Variants in ASXL2 observed in about 807,000 individuals in gnomAD.
The protein encoded by ASXL2 is ASXL transcriptional regulator 2.
Under a neutral mutation model 122.0 loss-of-function variants are expected in ASXL2, and 23 were observed. The observed-to-expected ratio is 0.19, with a 90% CI of 0.14 to 0.27. The LOEUF (loss-of-function observed/expected upper bound fraction) is 0.27. Among genes scored for constraint, ASXL2 ranks in the 10% least tolerant of loss-of-function variants. The pLI, the probability that ASXL2 is intolerant of heterozygous loss-of-function variation, is 1.00. For missense variants in ASXL2, 1,518 were observed against 1,713.8 expected (o/e 0.89, Z 2.02); for synonymous variants, 650 against 637.0 (o/e 1.02, Z -0.31).
intron 1 of ASXL2, among the ~76,000 whole-genome samples, chr2:25,855,379 C>T (rs1265781598): frequency 1.3e-5 from 2 of 152,108 alleles, no homozygotes; most frequent in Admixed American, 6.6e-5. Context: ...AACTCTATCC[C>T]TACTAAAAAT....
chr2:25,743,331 G>A lies in ASXL2; in HGVS notation c.3006C>T (p.Ser1002=), dbSNP rs752616442. 4.3e-6 allele frequency: 7 copies of A among 1,613,792 alleles called. No homozygotes were observed. The African/African-American group carries it at 8.0e-5, about 18-fold the overall frequency. Residue 1002 remains serine, a synonymous_variant, in exon 13 of 13, where the codon AGC becomes AGT. Transcript: ENST00000435504. The part of the protein sequence containing the change: ...ALIATNTTEN[S]TREEVNERQS... ...GTCTCTCATTAACTTCCTCTCTGGT[G>A]CTATTTTCTGTTGTGTTGGTAGCTA...
chr2:25,801,993 G>A (rs758308287), intron 4 of ASXL2, among the ~76,000 whole-genome samples: 62 of 152,066 alleles, frequency 4.1e-4, no homozygotes, highest in Non-Finnish European at 7.6e-4. Flanking sequence ...TCTACCTAAC[G>A]TTTACCACAC....
chr2:25,810,331 T>C (rs574917032), intron 3 of ASXL2: 2 of 660,916 alleles, frequency 3.0e-6, no homozygotes, highest in African/African-American at 1.8e-5. Flanking sequence ...TTAGCTTCTT[T>C]GAGTTGGATT....
chr2:25,873,152 C>G (rs1471905767), intron 1 of ASXL2, among the ~76,000 whole-genome samples: 1 of 152,080 alleles, frequency 6.6e-6, no homozygotes, highest in Non-Finnish European at 1.5e-5. Flanking sequence ...CCTTTGCATC[C>G]TCATAGCTTA....
chr2:25,852,398 G>A (rs578008174), intron 1 of ASXL2, among the ~76,000 whole-genome samples: 5 of 152,234 alleles, frequency 3.3e-5, no homozygotes, highest in Admixed American at 2.6e-4. Flanking sequence ...TAAATAACGG[G>A]AATATTTCAA....
chr2:25,757,639 C>T (rs2088159150), intron 9 of ASXL2, among the ~76,000 whole-genome samples: 2 of 122,504 alleles, frequency 1.6e-5, no homozygotes, highest in Admixed American at 1.0e-4. Context: ...CGAGCCAATG[C>T]ACTCCAGCTC....
At chr2:25,823,035 G>A (rs1022795442) in intron 3 of ASXL2, 4 of 482,754 alleles carry the variant, frequency 8.3e-6, no homozygotes, top group African/African-American at 6.1e-5. Flanking sequence ...TAAGTTGACA[G>A]CTCTAAAGGC....
Position 25,744,416 on chromosome 2 carries a change from G to A in ASXL2, c.1921C>T (p.Arg641Cys). 1.2e-6 allele frequency: 2 copies of A among 1,613,250 alleles called. No individual in the cohort carries two copies. The highest frequency in any genetic ancestry group is 1.7e-4 in the Middle Eastern group (1 of 6,060). ...FHPSQVSPRA[R>C]FPVSITSPNR... ...GGACTAGTGATGGAGACTGGAAAAC[G>A]AGCCCTGGGAGAGACCTGCGATGGA... Residue 641 changes from arginine (R) to cysteine (C), a missense_variant, in exon 13 of 13, where the codon CGT (arginine) becomes TGT (cysteine). Arg to Cys is a radical substitution (Grantham distance 180). Coordinates refer to ENST00000435504, the MANE Select transcript of ASXL2 (RefSeq NM_018263.6). The surrounding 1 kb of genome is among the most constrained non-coding windows in gnomAD (Gnocchi z 4.7).
chr2:25,771,428 A>T lies in ASXL2; in HGVS notation c.504+12T>A. ...AAATTCTACTTGATAAATACAGACT[A>T]GCAATGCTTACCTGCTTTAGTGCCT... On this transcript the variant is annotated intron_variant, in intron 6 of 12. Transcript: ENST00000435504. 6.3e-7 allele frequency: 1 copy of T among 1,598,552 alleles called. No individual in the cohort carries two copies. Among genetic ancestry groups the T allele is most frequent in the Non-Finnish European group, 8.6e-7 (1 of 1,167,356 alleles).
At chr2:25,782,362 T>A (rs1322176399) in intron 5 of ASXL2, among the ~76,000 whole-genome samples, 1 of 151,758 alleles carries the variant, frequency 6.6e-6, no homozygotes, top group Non-Finnish European at 1.5e-5. Context: ...CAGGCCAACA[T>A]GGTGAAGCCC....
At chr2:25,854,224 A>G (rs2089751460) in intron 1 of ASXL2, among the ~76,000 whole-genome samples, 1 of 152,166 alleles carries the variant, frequency 6.6e-6, no homozygotes, top group Non-Finnish European at 1.5e-5. Flanking sequence ...CTAGTTCAAG[A>G]AAAAAAGCTC....
At chr2:25,798,177 G>A (rs1013517583) in intron 5 of ASXL2, among the ~76,000 whole-genome samples, 2 of 152,184 alleles carry the variant, frequency 1.3e-5, no homozygotes, top group Non-Finnish European at 2.9e-5. Context: ...TCAGAGGGTG[G>A]TGTGGGGGAG....
In ASXL2 at chr2:25,878,147, T is replaced by C. The variant is rs1278309092; in HGVS notation, c.57+19A>G. The C allele has an allele frequency of 6.2e-7, 1 of 1,613,714 alleles. No individual in the cohort carries two copies. The highest frequency in any genetic ancestry group is 8.5e-7 in the Non-Finnish European group (1 of 1,179,726). ...GAACAAAATCCTCCCGGCCTTCCCC[T>C]TCGCTCCCTCCCCCTTACCGTCTTG... On this transcript the variant is annotated intron_variant, in intron 1 of 12. Transcript: ENST00000435504.
chr2:25,760,534 T>C (rs1273431443), intron 8 of ASXL2, among the ~76,000 whole-genome samples: 1 of 152,122 alleles, frequency 6.6e-6, no homozygotes, highest in Non-Finnish European at 1.5e-5. Flanking sequence ...TCTTAGAAAA[T>C]CTAACAATAT....
intron 4 of ASXL2, among the ~76,000 whole-genome samples, chr2:25,802,782 A>G (rs939931714): frequency 6.6e-6 from 1 of 152,158 alleles, no homozygotes; most frequent in African/African-American, 2.4e-5. Context: ...AATCAGTCAT[A>G]TGTGCTGAAG....
chr2:25,769,108 T>G (rs1394328732), intron 6 of ASXL2, among the ~76,000 whole-genome samples: 1 of 152,176 alleles, frequency 6.6e-6, no homozygotes, highest in Non-Finnish European at 1.5e-5. Context: ...GCCTAAATGA[T>G]TCTTAGAGTT....
intron 3 of ASXL2, chr2:25,810,638 T>A: frequency 1.3e-6 from 1 of 788,246 alleles, no homozygotes; most frequent in Non-Finnish European, 2.2e-6. Flanking sequence ...ACTGCCTCAA[T>A]AGTGGTGATC....
chr2:25,788,805 T>A (rs1360255927), intron 5 of ASXL2, among the ~76,000 whole-genome samples: 5 of 152,132 alleles, frequency 3.3e-5, no homozygotes, highest in Non-Finnish European at 7.4e-5. Context: ...CTTGTAGGAG[T>A]TCCTCATATA....
chr2:25,811,770 G>C (rs941886577), intron 3 of ASXL2, among the ~76,000 whole-genome samples: 1 of 151,806 alleles, frequency 6.6e-6, no homozygotes, highest in Admixed American at 6.6e-5. Flanking sequence ...ATATTTTTTT[G>C]AGATGGAGTC....
Sources: gnomAD v4.1 joint callset for allele counts (sites outside exome capture counted in the v4.1 genomes callset) on GRCh38, gnomAD v4.1.1 for gene constraint, Gnocchi (gnomAD v3.1) non-coding constraint, MANE v1.5 for transcripts, NCBI Gene and HGNC (gene_info 2026-07-23, HGNC 2026-07-21) for gene names.